CELF1: variants seen among roughly 807,000 people sequenced by gnomAD.
CELF1 encodes the protein CUGBP Elav-like family member 1.
Under a neutral mutation model 61.8 loss-of-function variants are expected in CELF1, and 10 were observed. The observed-to-expected ratio is 0.16, with a 90% CI of 0.10 to 0.27. CELF1 has a LOEUF of 0.27. Among genes scored for constraint, CELF1 ranks in the 10% least tolerant of loss-of-function variants. CELF1 has a pLI of 1.00. For synonymous variants in CELF1, 236 were observed against 225.1 expected, an observed-to-expected ratio of 1.05 and a Z score of -0.43; for missense variants, 380 against 639.1, an observed-to-expected ratio of 0.59 and a Z score of 4.37.
At chr11:47,511,354 C>T (rs11039267) in intron 1 of CELF1, among the ~76,000 whole-genome samples, 1 of 151,442 alleles carries the variant, frequency 6.6e-6, no homozygotes, top group Admixed American at 6.6e-5. Context: ...CTCAGGATAA[C>T]CTCTTGGGAA....
chr11:47,543,755 C>T (rs1029964234), intron 1 of CELF1, among the ~76,000 whole-genome samples: 2 of 143,276 alleles, frequency 1.4e-5, no homozygotes, highest in Non-Finnish European at 3.0e-5. Flanking sequence ...GTCCCCACCC[C>T]GTCTCTAAAA....
At chr11:47,516,283 AGT>A (rs1312126380) in intron 1 of CELF1, among the ~76,000 whole-genome samples, 2 of 152,204 alleles carry the variant, frequency 1.3e-5, no homozygotes, top group Non-Finnish European at 2.9e-5. Context: ...GATCATAATA[AGT>A]GAGTGAAAGT....
chr11:47,480,819 G>T (rs896951979), intron 9 of CELF1, among the ~76,000 whole-genome samples: 2 of 152,142 alleles, frequency 1.3e-5, no homozygotes, highest in African/African-American at 4.8e-5. Context: ...CAAATCACTT[G>T]AGGTCGGGAG....
At chr11:47,530,973 G>A (rs1214211877) in intron 1 of CELF1, among the ~76,000 whole-genome samples, 2 of 151,710 alleles carry the variant, frequency 1.3e-5, no homozygotes, top group Non-Finnish European at 2.9e-5. Context: ...AAAGCCCGGC[G>A]TGGTAGCTCA....
chr11:47,473,116 G>A lies in CELF1; in HGVS notation c.1389C>T (p.Asp463=). The A allele has an allele frequency of 6.2e-7, 1 of 1,614,146 alleles. No individual in the cohort carries two copies. The highest frequency in any genetic ancestry group is 8.5e-7 in the Non-Finnish European group (1 of 1,180,020). Reference sequence around the variant, plus strand: ...AACACTTGCTCAGGTTTGTCTGCTTGTCTATGAAAACCTTGGCAGACACGA... The same window carrying A: ...AACACTTGCTCAGGTTTGTCTGCTTATCTATGAAAACCTTGGCAGACACGA... ...GNVVSAKVFI[D]KQTNLSKCFG... Residue 463 remains aspartate, a synonymous_variant, in exon 14 of 15, where the codon GAC becomes GAT. Coordinates refer to ENST00000687097, the MANE Select transcript of CELF1 (RefSeq NM_001376376.1).
At position 47,467,203 on chromosome 11, in the gene CELF1, C is replaced by CA. The variant is rs762404265; in HGVS notation, c.*5026_*5027insT. On this transcript the variant is annotated 3_prime_UTR_variant, in exon 15 of 15. Transcript: ENST00000687097. ...TCTGGGTGGGATCTATCATCAGCTC[C>CA]TCCCCCTGTAACCTCTTCCCTCCAC... 13 of 152,706 alleles carry CA rather than the reference C, an allele frequency of 8.5e-5. No homozygotes were observed. Among genetic ancestry groups the CA allele is most frequent in the Admixed American group, 3.9e-4 (6 of 15,288 alleles). 9.5% of individuals were successfully genotyped at this position (152,706 alleles called of 1,614,324 possible). A position where few individuals can be genotyped will look rare whatever the true frequency, so the allele number is the denominator to read the frequency against.
chr11:47,482,257 T>C (rs2083759476), intron 9 of CELF1, among the ~76,000 whole-genome samples: 1 of 152,070 alleles, frequency 6.6e-6, no homozygotes, highest in African/African-American at 2.4e-5. Context: ...AAAAAATCTC[T>C]TGATCTCTCA....
intron 1 of CELF1, among the ~76,000 whole-genome samples, chr11:47,551,041 A>T (rs916676046): frequency 2.6e-3 from 1 of 378 alleles, no homozygotes; most frequent in Non-Finnish European, 0.013. Context: ...ATATTGTTTA[A>T]AAAAAAAAAA....
chr11:47,551,563 C>T (rs1317715079), intron 1 of CELF1, among the ~76,000 whole-genome samples: 1 of 152,188 alleles, frequency 6.6e-6, no homozygotes, highest in Non-Finnish European at 1.5e-5. Flanking sequence ...AAGGGTGATT[C>T]TATATTGAGA....
intron 2 of CELF1, among the ~76,000 whole-genome samples, chr11:47,558,989 G>A (rs2097217398): frequency 7.3e-6 from 1 of 136,490 alleles, no homozygotes; most frequent in African/African-American, 2.7e-5. Flanking sequence ...GTTATATATA[G>A]TAATATATGT....
intron 1 of CELF1, among the ~76,000 whole-genome samples, chr11:47,537,245 ATTTTT>A (rs544458768): frequency 7.5e-6 from 1 of 134,104 alleles, no homozygotes; most frequent in Admixed American, 7.7e-5. Flanking sequence ...TACCATACAA[ATTTTT>A]TTTTTTTTTT....
At chr11:47,540,787 G>C (rs2096754558) in intron 1 of CELF1, among the ~76,000 whole-genome samples, 3 of 152,152 alleles carry the variant, frequency 2.0e-5, no homozygotes, top group Admixed American at 1.3e-4. Flanking sequence ...GGGAGGCTGA[G>C]GCAGGGAGAA....
chr11:47,483,107 T>A (rs1022832365), intron 8 of CELF1, among the ~76,000 whole-genome samples: 9 of 150,798 alleles, frequency 6.0e-5, no homozygotes, highest in Non-Finnish European at 1.2e-4. Flanking sequence ...TAAAAAAAAA[T>A]ACAAAAATTA....
At chr11:47,503,891 G>A (rs973914761) in intron 1 of CELF1, among the ~76,000 whole-genome samples, 3 of 152,226 alleles carry the variant, frequency 2.0e-5, no homozygotes, top group East Asian at 1.9e-4. Context: ...AATAATTTAC[G>A]GGGCAAGAAC....
chr11:47,547,669 C>CAAAAAAAAAAA (rs1169198313), intron 1 of CELF1, among the ~76,000 whole-genome samples: 1 of 61,062 alleles, frequency 1.6e-5, no homozygotes, highest in African/African-American at 5.3e-5. Context: ...AACTCCATCT[C>CAAAAAAAAAAA]AAAAAAAAAA....
chr11:47,486,097 G>C (rs12808661), intron 6 of CELF1, among the ~76,000 whole-genome samples: 27,749 of 27,754 alleles, frequency 1, 13,872 homozygotes, highest in Middle Eastern at 1. Flanking sequence ...GGAGGCGGAG[G>C]TTGCAATGAG....
intron 1 of CELF1, among the ~76,000 whole-genome samples, chr11:47,540,748 G>A (rs1021546039): frequency 1.3e-5 from 2 of 152,098 alleles, no homozygotes; most frequent in African/African-American, 4.8e-5. Context: ...CCCGGGCATG[G>A]TGGTGGGCAC....
At chr11:47,543,728 C>G (rs1011305844) in intron 1 of CELF1, among the ~76,000 whole-genome samples, 1 of 151,670 alleles carries the variant, frequency 6.6e-6, no homozygotes, top group Non-Finnish European at 1.5e-5. Context: ...GGCTACATAG[C>G]GGACCCGTGG....
At chr11:47,553,835 C>G (rs2097192789), upstream of CELF1, among the ~76,000 whole-genome samples, 1 of 150,358 alleles carries the variant, frequency 6.7e-6, no homozygotes, top group South Asian at 2.1e-4. Context: ...TTTCTTAACT[C>G]AGGTTAGGTC....
Sources: gnomAD v4.1 joint callset for allele counts (sites outside exome capture counted in the v4.1 genomes callset) on GRCh38, gnomAD v4.1.1 for gene constraint, MANE v1.5 for transcripts, NCBI Gene and HGNC (gene_info 2026-07-23, HGNC 2026-07-21) for gene names.